The following KDM6B variants were observed in gnomAD, a reference collection of about 807,000 sequenced individuals.
KDM6B encodes lysine-specific demethylase 6B.
Under a neutral mutation model 150.4 loss-of-function variants are expected in KDM6B, and 22 were observed. The observed-to-expected ratio is 0.15, with a 90% CI of 0.10 to 0.21. The LOEUF is 0.21. KDM6B is among the 10% of genes least tolerant of loss of function. KDM6B has a pLI of 1.00. For missense variants in KDM6B, 1,984 were observed against 2,234.3 expected, an observed-to-expected ratio of 0.89 and a Z score of 2.26; for synonymous variants, 1,148 against 921.1, an observed-to-expected ratio of 1.25 and a Z score of -4.46.
chr17:7,849,958 C>T lies in KDM6B; in HGVS notation c.3567+11C>T. ...ACACCCAGCATCTATGTATGTGTGC[C>T]ACTTGGCCTCAGAACCACCCCTGCC... is the stretch of plus-strand genomic sequence containing the variant. On this transcript the variant is annotated intron_variant, in intron 13 of 23. Transcript: ENST00000448097. The T allele has an allele frequency of 1.2e-6, 2 of 1,613,620 alleles. No homozygotes were observed. The highest frequency in any genetic ancestry group is 2.2e-5 in the East Asian group (1 of 44,878).
chr17:7,853,802 AGACACAAG>A lies in KDM6B; in HGVS notation c.*285_*292del, dbSNP rs1174627342. 4.0e-6 allele frequency: 1 copy of A among 251,966 alleles called. No homozygotes were observed. The highest frequency in any genetic ancestry group is 7.5e-6 in the Non-Finnish European group (1 of 133,548). 15.6% of individuals were successfully genotyped at this position (251,966 alleles called of 1,614,324 possible). On this transcript the variant is annotated 3_prime_UTR_variant, in exon 24 of 24. Transcript: ENST00000448097. Reference sequence around the variant, plus strand: ...CACCGACTTTGGCCTTTTTAGCAACAGACACAAGGACCAGGCTCCGGCGGCGGCGGGGG... The same window carrying A: ...CACCGACTTTGGCCTTTTTAGCAACAGACCAGGCTCCGGCGGCGGCGGGGG...
At chr17:7,841,132 C>T (rs1451832308) in intron 2 of KDM6B, among the ~76,000 whole-genome samples, 1 of 152,178 alleles carries the variant, frequency 6.6e-6, no homozygotes, top group Non-Finnish European at 1.5e-5. Flanking sequence ...ATCAGAGTAC[C>T]TCCTATGTCA....
At position 7,849,180 on chromosome 17, in the gene KDM6B, G is replaced by A. The variant is rs756874675; in HGVS notation, c.2892G>A (p.Gly964=). The A allele has an allele frequency of 3.1e-6, 5 of 1,608,964 alleles. No individual in the cohort carries two copies. In the African/African-American group the frequency reaches 6.7e-5, roughly 21 times the overall value. The change falls in exon 12 of 24, where the codon GGG becomes GGA. Residue 964 remains glycine, a synonymous_variant. Coordinates refer to ENST00000448097, the MANE Select transcript of KDM6B (RefSeq NM_001348716.2). ...CACAGGCCAAGGAGGAGGCTGGCGG[G>A]GTGGCGGCAGTGTCAGGCAGCTGTA... The part of the protein sequence containing the change: ...PPAQAKEEAG[G]VAAVSGSCKR...
At position 7,853,654 on chromosome 17, in the gene KDM6B, T is replaced by TC. The variant is rs1366330170; in HGVS notation, c.*137dup. 1.1e-5 allele frequency: 5 copies of TC among 441,992 alleles called. No homozygotes were observed. Among genetic ancestry groups the TC allele is most frequent in the African/African-American group, 1.1e-4 (5 of 46,852 alleles). 27.4% of individuals were successfully genotyped at this position (441,992 alleles called of 1,614,324 possible). On this transcript the variant is annotated 3_prime_UTR_variant, in exon 24 of 24. Transcript: ENST00000448097. ...CCAGCCCTTCCACCCCATTGGCAGC[T>TC]CCCCTCACTTAATTTATTAAGAAAA... is the stretch of plus-strand genomic sequence containing the variant.
chr17:7,853,171 C>G (rs201815954), intron 22 of KDM6B, 39 bp from the exon 23 acceptor site: 18 of 1,613,922 alleles, frequency 1.1e-5, no homozygotes, highest in Non-Finnish European at 1.4e-5. Flanking sequence ...TCCACAGTGG[C>G]CCTCCCTCCC....
rs905638445 is a variant in KDM6B at position 7,834,284 on chromosome 17, G to A, written c.-454G>A. 6.6e-6 allele frequency among the ~76,000 whole-genome samples: 1 copy of A among 151,818 alleles called. No individual in the cohort carries two copies. The highest frequency in any genetic ancestry group is 1.5e-5 in the Non-Finnish European group (1 of 67,880). On this transcript the variant is annotated 5_prime_UTR_variant, in exon 1 of 24. Coordinates refer to ENST00000448097, the MANE Select transcript of KDM6B (RefSeq NM_001348716.2). ...CCCCCCAGCCCCGGCCTGGGAGAAG[G>A]GGGGGCCGCTCGACCCCCTGGGATA...
chr17:7,837,306 C>T (rs749025336), intron 1 of KDM6B, among the ~76,000 whole-genome samples: 10 of 151,774 alleles, frequency 6.6e-5, no homozygotes, highest in Non-Finnish European at 1.0e-4. Context: ...GTTCACTACA[C>T]ACCAGCTTAT....
At chr17:7,853,175 CCCT>C (rs753143677) in intron 22 of KDM6B, 32 bp from the exon 23 acceptor site, 1 of 1,613,956 alleles carries the variant, frequency 6.2e-7, no homozygotes, top group Non-Finnish European at 8.5e-7. Context: ...CAGTGGCCCT[CCCT>C]CCCCCTGACT....
At chr17:7,846,377 G>GGGCCCCCCC in intron 7 of KDM6B, 23 bp from the exon 8 acceptor site, 9 of 1,479,346 alleles carry the variant, frequency 6.1e-6, no homozygotes, top group East Asian at 2.5e-5. Context: ...ATCTGCCCCT[G>GGGCCCCCCC]CCCCGTGTCC....
chr17:7,853,338 C>T lies in KDM6B; in HGVS notation c.4866C>T (p.Tyr1622=), dbSNP rs1306702763. 4 of 1,579,398 alleles carry T rather than the reference C, an allele frequency of 2.5e-6. No individual in the cohort carries two copies. Among genetic ancestry groups the T allele is most frequent in the Non-Finnish European group, 2.6e-6 (3 of 1,164,850 alleles). The change falls in exon 23 of 24, where the codon TAC becomes TAT. Residue 1622 remains tyrosine, a synonymous_variant. Coordinates refer to ENST00000448097, the MANE Select transcript of KDM6B (RefSeq NM_001348716.2). The stretch of plus-strand genomic sequence containing the variant: ...AGGGCGTGGTGGTGCTGGAGCAGTA[C>T]CGCACTGAGGAGCTGGCTCAGGCCT... ...GLQGVVVLEQ[Y]RTEELAQAYD...
At chr17:7,851,272 G>A (rs1460801283) in intron 15 of KDM6B, 46 bp downstream of exon 15, 2 of 1,613,080 alleles carry the variant, frequency 1.2e-6, no homozygotes, top group African/African-American at 1.3e-5. Flanking sequence ...ACGGGGCTGC[G>A]GTGGGAGGGC....
At position 7,848,842 on chromosome 17, in the gene KDM6B, T is replaced by A; in HGVS notation, c.2554T>A (p.Ser852Thr). 2 of 1,611,108 alleles carry A rather than the reference T, an allele frequency of 1.2e-6. No individual in the cohort carries two copies. The highest frequency in any genetic ancestry group is 1.7e-6 in the Non-Finnish European group (2 of 1,179,468). The change falls in exon 12 of 24, where the codon TCA becomes ACA. Residue 852 changes from serine (S) to threonine (T), a missense_variant. Transcript: ENST00000448097. ...AGGTGCTACCGCCCTGCCGCCCACC[T>A]CAGCGGCCCCTAGCGCCCAGGGCTC... ...PSGATALPPT[S>T]AAPSAQGSPQ... is the part of the protein sequence containing the mutation.
chr17:7,845,523 G>A, intron 4 of KDM6B, 27 bp from the exon 5 acceptor site: 2 of 1,614,000 alleles, frequency 1.2e-6, no homozygotes, highest in Non-Finnish European at 8.5e-7. Context: ...CCTCCAGTAA[G>A]AGCATAATTT....
At chr17:7,841,792 G>A (rs2151371516) in intron 2 of KDM6B, among the ~76,000 whole-genome samples, 2 of 152,322 alleles carry the variant, frequency 1.3e-5, no homozygotes, top group South Asian at 2.1e-4. Context: ...GGGGCGGGGA[G>A]GGGCCGGCAG....
Position 7,849,328 on chromosome 17 carries a change from A to G in KDM6B, c.3040A>G (p.Ser1014Gly), listed in dbSNP as rs1159664540. Residue 1014 changes from serine to glycine, a missense_variant, in exon 12 of 24, where the codon AGC becomes GGC. Physicochemically the swap from Ser to Gly is moderately conservative, Grantham distance 56. Transcript: ENST00000448097. ...CAAGGCCAAGGTCCCCAAAGAAAAG[A>G]GCCGCCGGGTGCTGGGGAACCTGGA... is the stretch of plus-strand genomic sequence containing the variant. ...KAKAKVPKEKSRRVLGNLDLQ... is the reference protein window; with the variant it reads ...KAKAKVPKEKGRRVLGNLDLQ... The G allele has an allele frequency of 1.3e-6, 2 of 1,570,932 alleles. No homozygotes were observed. The highest frequency in any genetic ancestry group is 2.3e-5 in the South Asian group (2 of 86,300).
chr17:7,834,788 T>G (rs1303173760), intron 1 of KDM6B, among the ~76,000 whole-genome samples: 1 of 152,138 alleles, frequency 6.6e-6, no homozygotes. Context: ...TCCAGTTCTC[T>G]GCACGGGTGA....
chr17:7,841,932 C>T (rs2078422814), intron 2 of KDM6B, among the ~76,000 whole-genome samples: 1 of 152,206 alleles, frequency 6.6e-6, no homozygotes, highest in African/African-American at 2.4e-5. Context: ...GCGTGTAACC[C>T]CTCGCTTCCA....
chr17:7,838,596 C>T (rs191907507), intron 1 of KDM6B, among the ~76,000 whole-genome samples: 2 of 135,598 alleles, frequency 1.5e-5, no homozygotes, highest in East Asian at 2.2e-4. Flanking sequence ...CCAGACACCC[C>T]TCACACACCC....
intron 2 of KDM6B, chr17:7,840,340 A>G (rs1438318961): frequency 6.6e-6 from 1 of 152,222 alleles, no homozygotes. Flanking sequence ...TGAAAAGTGG[A>G]TATGAGCTAC....
Sources: gnomAD v4.1 joint callset for allele counts (sites outside exome capture counted in the v4.1 genomes callset) on GRCh38, gnomAD v4.1.1 for gene constraint, MANE v1.5 for transcripts, NCBI Gene and HGNC (gene_info 2026-07-23, HGNC 2026-07-21) for gene names.